The following PLEKHG1 variants were observed in gnomAD, a reference collection of about 807,000 sequenced individuals.
PLEKHG1 encodes the protein pleckstrin homology and RhoGEF domain containing G1.
A neutral mutation model predicts 100.8 loss-of-function variants in PLEKHG1; 44 were observed. That is an observed-to-expected ratio of 0.44 (90% confidence interval 0.34 to 0.56). The LOEUF (loss-of-function observed/expected upper bound fraction) is 0.56, where lower values mean the gene tolerates loss of function less well. Among genes scored for constraint, PLEKHG1 ranks in the 20% least tolerant of loss-of-function variants. The pLI is 0.01. For missense variants in PLEKHG1, 1,545 were observed against 1,720.9 expected, an observed-to-expected ratio of 0.90 and a Z score of 1.81; for synonymous variants, 640 against 662.5, an observed-to-expected ratio of 0.97 and a Z score of 0.52.
intron 1 of PLEKHG1, among the ~76,000 whole-genome samples, chr6:150,637,513 T>C (rs1018239483): frequency 5.3e-5 from 8 of 152,200 alleles, no homozygotes; most frequent in African/African-American, 1.9e-4. Context: ...AGCACTGTTA[T>C]TGCATGTTTG....
chr6:150,645,285 C>T (rs988388253), intron 2 of PLEKHG1, among the ~76,000 whole-genome samples: 2 of 152,136 alleles, frequency 1.3e-5, no homozygotes, highest in Admixed American at 1.3e-4. Context: ...GAAAATGCAT[C>T]CTTGCCTCAC....
chr6:150,621,876 AAGGTAACATCTTATG>A (rs1777314690), intron 1 of PLEKHG1, among the ~76,000 whole-genome samples: 1 of 152,224 alleles, frequency 6.6e-6, no homozygotes, highest in South Asian at 2.1e-4. Flanking sequence ...GTTTTCTGCT[AAGGTAACATCTTATG>A]ACTTGAACAC....
At chr6:150,829,269 A>G (rs1347304321) in intron 14 of PLEKHG1, among the ~76,000 whole-genome samples, 1 of 152,224 alleles carries the variant, frequency 6.6e-6, no homozygotes, top group Admixed American at 6.5e-5. Flanking sequence ...ACTGAGCTCC[A>G]TCCAGAAGGG....
chr6:150,801,091 G>A (rs1293453045), intron 6 of PLEKHG1, among the ~76,000 whole-genome samples: 3 of 152,212 alleles, frequency 2.0e-5, no homozygotes, highest in Non-Finnish European at 4.4e-5. Flanking sequence ...TCTTAGCTCT[G>A]ATTCTGATGG....
intron 1 of PLEKHG1, among the ~76,000 whole-genome samples, chr6:150,616,743 A>T (rs984965082): frequency 6.6e-6 from 1 of 152,218 alleles, no homozygotes; most frequent in Non-Finnish European, 1.5e-5. Flanking sequence ...TTTCATGGTG[A>T]CATCAGGAAA....
chr6:150,804,981 G>C (rs1468906064), intron 7 of PLEKHG1, among the ~76,000 whole-genome samples: 2 of 151,622 alleles, frequency 1.3e-5, no homozygotes, highest in African/African-American at 4.8e-5. Context: ...TGTTGCCCAG[G>C]CTGGAGTGCA....
intron 3 of PLEKHG1, among the ~76,000 whole-genome samples, chr6:150,682,603 A>G (rs1344422364): frequency 6.6e-6 from 1 of 152,084 alleles, no homozygotes; most frequent in Non-Finnish European, 1.5e-5. Flanking sequence ...ATTGTGTCTC[A>G]TGTCTGGGTG....
At chr6:150,713,015 C>G (rs1398942043) in intron 3 of PLEKHG1, among the ~76,000 whole-genome samples, 1 of 152,224 alleles carries the variant, frequency 6.6e-6, no homozygotes, top group African/African-American at 2.4e-5. Flanking sequence ...ACTCATCATA[C>G]TTGTCATTTT....
chr6:150,695,803 G>A (rs1780521264), intron 3 of PLEKHG1, among the ~76,000 whole-genome samples: 1 of 152,174 alleles, frequency 6.6e-6, no homozygotes, highest in Non-Finnish European at 1.5e-5. Context: ...TCTCTCATGA[G>A]CTGTATTTCT....
chr6:150,612,079 A>G (rs1776869239), intron 1 of PLEKHG1, among the ~76,000 whole-genome samples: 1 of 118,698 alleles, frequency 8.4e-6, no homozygotes. Context: ...TTCTTAGTTA[A>G]TAGCACCACA....
intron 3 of PLEKHG1, among the ~76,000 whole-genome samples, chr6:150,705,072 G>A (rs1780949145): frequency 6.6e-6 from 1 of 152,196 alleles, no homozygotes; most frequent in African/African-American, 2.4e-5. Flanking sequence ...GTATTTGGGC[G>A]GGGGGACAAA....
At chr6:150,658,883 G>A (rs995705382) in intron 3 of PLEKHG1, among the ~76,000 whole-genome samples, 3 of 152,096 alleles carry the variant, frequency 2.0e-5, no homozygotes, top group South Asian at 4.1e-4. Flanking sequence ...GCACATTTAC[G>A]ATAAGCTACA....
chr6:150,702,553 T>G (rs1450305536), intron 3 of PLEKHG1, among the ~76,000 whole-genome samples: 2 of 121,346 alleles, frequency 1.6e-5, no homozygotes, highest in African/African-American at 6.0e-5. Context: ...TCATTTTGTT[T>G]TGGGGTGTGT....
intron 2 of PLEKHG1, among the ~76,000 whole-genome samples, chr6:150,762,888 C>G (rs1385062802): frequency 1.3e-5 from 2 of 152,198 alleles, no homozygotes; most frequent in East Asian, 3.8e-4. Flanking sequence ...GGGCTTCTTT[C>G]ATTTGCAGTG....
At chr6:150,603,099 AAAAAG>A (rs1246228646) in intron 1 of PLEKHG1, among the ~76,000 whole-genome samples, 8 of 148,240 alleles carry the variant, frequency 5.4e-5, no homozygotes, top group Non-Finnish European at 1.1e-4. Context: ...AAAAATAAAA[AAAAAG>A]AAAAGAAAAA....
intron 3 of PLEKHG1, among the ~76,000 whole-genome samples, chr6:150,704,526 T>G (rs1171809949): frequency 6.6e-6 from 1 of 152,212 alleles, no homozygotes; most frequent in African/African-American, 2.4e-5. Context: ...CTGAGGCAGG[T>G]GGAGTAAGGG....
In PLEKHG1 at chr6:150,827,558, G is replaced by A. The variant is rs1776683519; in HGVS notation, c.1471-3024G>A. 3 of 629,246 alleles carry A rather than the reference G, an allele frequency of 4.8e-6. No individual in the cohort carries two copies. The East Asian group carries it at 8.7e-5, about 18-fold the overall frequency. 39.0% of individuals were successfully genotyped at this position (629,246 alleles called of 1,614,324 possible). A position where few individuals can be genotyped will look rare whatever the true frequency, so the allele number is the denominator to read the frequency against. The stretch of plus-strand genomic sequence containing the variant: ...TCCAAAGTGCTGGGATTACAGGCGT[G>A]AGCCACTGTGCCTGGCCAAAACTGC... On this transcript the variant is annotated intron_variant, in intron 14 of 15. Transcript: ENST00000358517.
chr6:150,787,352 G>C (rs973313328), intron 4 of PLEKHG1, among the ~76,000 whole-genome samples: 13 of 152,204 alleles, frequency 8.5e-5, no homozygotes, highest in Non-Finnish European at 1.5e-5. Context: ...AAGTGGAATA[G>C]GTGATGGAAT....
intron 15 of PLEKHG1, among the ~76,000 whole-genome samples, chr6:150,834,877 C>A (rs1310232603): frequency 6.6e-6 from 1 of 152,218 alleles, no homozygotes; most frequent in Non-Finnish European, 1.5e-5. Flanking sequence ...TATATCCACA[C>A]CTCGTCCAGC....
Sources: allele counts gnomAD v4.1 joint callset (sites outside exome capture counted in the v4.1 genomes callset), GRCh38; gene constraint gnomAD v4.1.1; transcripts MANE v1.5; gene names NCBI Gene and HGNC (gene_info 2026-07-23, HGNC 2026-07-21).